C8orf34: variants seen among roughly 807,000 people sequenced by gnomAD.
C8orf34 encodes the protein chromosome 8 open reading frame 34, also known as uncharacterized protein C8orf34.
Under a neutral mutation model 68.3 loss-of-function variants are expected in C8orf34, and 65 were observed. That is an observed-to-expected ratio of 0.95 (90% CI 0.78 to 1.17). The LOEUF is 1.17. C8orf34 is among the 50% of genes most tolerant of loss of function. The probability of loss-of-function intolerance (pLI) is 0.00; values close to 1 mark genes in which losing one functional copy is unlikely to be tolerated. For missense variants in C8orf34, 664 were observed against 655.4 expected, an observed-to-expected ratio of 1.01 and a Z score of -0.14; for synonymous variants, 244 against 241.2, an observed-to-expected ratio of 1.01 and a Z score of -0.11.
At chr8:68,341,895 A>G (rs1005393261) in intron 1 of C8orf34, among the ~76,000 whole-genome samples, 4 of 152,212 alleles carry the variant, frequency 2.6e-5, no homozygotes, top group African/African-American at 9.7e-5. Flanking sequence ...AGAATGGCCT[A>G]ACACATCAGG....
intron 8 of C8orf34, among the ~76,000 whole-genome samples, chr8:68,692,166 A>G (rs1820704014): frequency 6.6e-6 from 1 of 152,038 alleles, no homozygotes; most frequent in Admixed American, 6.6e-5. Flanking sequence ...TCCATCTGGA[A>G]TGGCTGAATG....
chr8:68,807,925 C>T (rs1342788277), intron 12 of C8orf34, among the ~76,000 whole-genome samples: 5 of 152,172 alleles, frequency 3.3e-5, no homozygotes, highest in African/African-American at 1.2e-4. Flanking sequence ...GGCCTAGAAG[C>T]TTAAAACCTA....
At position 68,665,240 on chromosome 8, in the gene C8orf34, A is replaced by T. The variant is rs1259103324; in HGVS notation, c.1241+24729A>T. Among the ~76,000 whole-genome samples the T allele has an allele frequency of 2.0e-5, 3 of 152,224 alleles. No individual in the cohort carries two copies. In the East Asian group the frequency reaches 5.8e-4, roughly 29 times the overall value. On this transcript the variant is annotated intron_variant, in intron 8 of 13. Coordinates refer to ENST00000518698, the MANE Select transcript of C8orf34 (RefSeq NM_052958.4). Reference sequence around the variant, plus strand: ...ATTTTGATTCAAAATACAGATGGAAATATTGGCAACTTTAAATTGTGTATA... The same window carrying T: ...ATTTTGATTCAAAATACAGATGGAATTATTGGCAACTTTAAATTGTGTATA...
At chr8:68,785,805 A>G (rs1823828106) in intron 11 of C8orf34, among the ~76,000 whole-genome samples, 1 of 152,180 alleles carries the variant, frequency 6.6e-6, no homozygotes, top group Non-Finnish European at 1.5e-5. Flanking sequence ...TTACTGCCCT[A>G]AAATATATCC....
chr8:68,614,631 G>T (rs1347132503), intron 7 of C8orf34, among the ~76,000 whole-genome samples: 2 of 152,094 alleles, frequency 1.3e-5, no homozygotes, highest in East Asian at 3.9e-4. Context: ...GGGCTCTGTT[G>T]TGTTCCATTG....
chr8:68,538,533 C>T (rs560072908), intron 7 of C8orf34, among the ~76,000 whole-genome samples: 1 of 150,448 alleles, frequency 6.6e-6, no homozygotes, highest in Non-Finnish European at 1.5e-5. Context: ...AATTTCTATA[C>T]AAAACTTTTC....
chr8:68,521,900 A>G lies in C8orf34; in HGVS notation c.867A>G (p.Leu289=). ...CTGATCCCCTAGCTGCTGAAATGCTACAGCCTCCAATTCCAAGAAGCAAAA... is the reference window on the plus strand; with the variant it reads ...CTGATCCCCTAGCTGCTGAAATGCTGCAGCCTCCAATTCCAAGAAGCAAAA... ...NDADPLAAEM[L]QPPIPRSKND... Residue 289 remains leucine, a synonymous_variant, in exon 6 of 14, where the codon CTA becomes CTG. Coordinates refer to ENST00000518698, the MANE Select transcript of C8orf34 (RefSeq NM_052958.4). 6.2e-7 allele frequency: 1 copy of G among 1,614,136 alleles called. No individual in the cohort carries two copies. The highest frequency in any genetic ancestry group is 8.5e-7 in the Non-Finnish European group (1 of 1,179,994).
chr8:68,620,936 C>G (rs1818371102), intron 7 of C8orf34, among the ~76,000 whole-genome samples: 1 of 152,002 alleles, frequency 6.6e-6, no homozygotes, highest in South Asian at 2.1e-4. Flanking sequence ...TAAGTCAAGC[C>G]TCCTGGAATG....
At chr8:68,750,901 G>A (rs1822686226) in intron 10 of C8orf34, among the ~76,000 whole-genome samples, 1 of 152,122 alleles carries the variant, frequency 6.6e-6, no homozygotes, top group African/African-American at 2.4e-5. Context: ...GGAAACACAA[G>A]CTCTAAAAGA....
At chr8:68,474,024 A>G (rs1271544378) in intron 4 of C8orf34, among the ~76,000 whole-genome samples, 1 of 152,066 alleles carries the variant, frequency 6.6e-6, no homozygotes, top group African/African-American at 2.4e-5. Context: ...GCCACTCTTA[A>G]TGCTGTTCCT....
Position 68,546,992 on chromosome 8 carries a change from C to T in C8orf34, c.1105+13843C>T, listed in dbSNP as rs72666703. 3.1e-3 allele frequency among the ~76,000 whole-genome samples: 466 copies of T among 151,586 alleles called. 2 individuals carry two copies. The highest frequency in any genetic ancestry group is 0.01 in the Middle Eastern group (3 of 292). On this transcript the variant is annotated intron_variant, in intron 7 of 13. Transcript: ENST00000518698. ...AGTTTTAAAATTATTGATATAAGTTCCTATCTTAAAAAGCTAGAAAATAAA... is the reference window on the plus strand; with the variant it reads ...AGTTTTAAAATTATTGATATAAGTTTCTATCTTAAAAAGCTAGAAAATAAA...
Position 68,589,508 on chromosome 8 carries a change from AGAGAGAGAAAGGG to A in C8orf34, c.1106-50867_1106-50855del, listed in dbSNP as rs1586416522. 1.1e-4 allele frequency among the ~76,000 whole-genome samples: 3 copies of A among 27,942 alleles called. No homozygotes were observed. In the East Asian group the frequency reaches 1.5e-3, roughly 14 times the overall value. 18.3% of individuals were successfully genotyped at this position (27,942 alleles called of 152,430 possible). ...AAAGAAGAAAGAAAGAGAGAGAACG[AGAGAGAGAAAGGG>A]AGAGAGAGAAAGAAGAGAAAGGAAA... is the stretch of plus-strand genomic sequence containing the variant. On this transcript the variant is annotated intron_variant, in intron 7 of 13. Coordinates refer to ENST00000518698, the MANE Select transcript of C8orf34 (RefSeq NM_052958.4).
At chr8:68,725,571 A>G (rs1392157105) in intron 10 of C8orf34, among the ~76,000 whole-genome samples, 1 of 152,230 alleles carries the variant, frequency 6.6e-6, no homozygotes, top group Non-Finnish European at 1.5e-5. Context: ...AGTGCTTCAC[A>G]TATTTTATAC....
At chr8:68,395,170 A>C (rs1808642322) in intron 1 of C8orf34, among the ~76,000 whole-genome samples, 1 of 152,070 alleles carries the variant, frequency 6.6e-6, no homozygotes, top group Non-Finnish European at 1.5e-5. Context: ...ATCCCTAGTG[A>C]GCAACTTTGA....
intron 8 of C8orf34, among the ~76,000 whole-genome samples, chr8:68,700,456 G>A (rs1820980085): frequency 6.6e-6 from 1 of 152,130 alleles, no homozygotes. Flanking sequence ...GACTTGGGGA[G>A]GATAGAGGCA....
chr8:68,777,144 T>C (rs1227690871), intron 11 of C8orf34, among the ~76,000 whole-genome samples: 1 of 152,186 alleles, frequency 6.6e-6, no homozygotes, highest in Non-Finnish European at 1.5e-5. Flanking sequence ...TTGGTGATGT[T>C]AAGAACCGCC....
intron 7 of C8orf34, among the ~76,000 whole-genome samples, chr8:68,575,778 G>A (rs1285086197): frequency 1.3e-5 from 2 of 151,694 alleles, no homozygotes; most frequent in Non-Finnish European, 2.9e-5. Flanking sequence ...GTGGTTCCTG[G>A]TTTTCAGTAG....
At chr8:68,440,124 A>T (rs1810838443) in intron 2 of C8orf34, among the ~76,000 whole-genome samples, 1 of 152,278 alleles carries the variant, frequency 6.6e-6, no homozygotes, top group East Asian at 1.9e-4. Context: ...TACATCAGGG[A>T]ACTAGTTTTT....
At chr8:68,767,604 C>CTCTT (rs2129528253) in intron 10 of C8orf34, among the ~76,000 whole-genome samples, 1 of 152,306 alleles carries the variant, frequency 6.6e-6, no homozygotes, top group South Asian at 2.1e-4. Context: ...GATAAAGCTC[C>CTCTT]TCTTTGGTAT....
Sources: allele counts gnomAD v4.1 joint callset (sites outside exome capture counted in the v4.1 genomes callset), GRCh38; gene constraint gnomAD v4.1.1; transcripts MANE v1.5; gene names NCBI Gene and HGNC (gene_info 2026-07-23, HGNC 2026-07-21).